The following MYCBP2 variants were observed in gnomAD, a reference collection of about 807,000 sequenced individuals.
MYCBP2 encodes the protein E3 ubiquitin-protein ligase MYCBP2.
A neutral mutation model predicts 525.3 loss-of-function variants in MYCBP2; 120 were observed. That is an observed-to-expected ratio of 0.23 (90% CI 0.20 to 0.27). The LOEUF is 0.27. MYCBP2 is among the 10% of genes least tolerant of loss of function. MYCBP2 has a pLI of 1.00. For synonymous variants in MYCBP2, 1,894 were observed against 1,955.8 expected, an observed-to-expected ratio of 0.97 and a Z score of 0.83; for missense variants, 4,149 against 5,657.1, an observed-to-expected ratio of 0.73 and a Z score of 8.55.
At chr13:77,175,962 AAATAAT>A (rs1182200925) in intron 36 of MYCBP2, among the ~76,000 whole-genome samples, 2 of 151,544 alleles carry the variant, frequency 1.3e-5, no homozygotes, top group Non-Finnish European at 2.9e-5. Context: ...ATCTAAAAAA[AAATAAT>A]AATAATAATT....
At position 77,326,420 on chromosome 13, in the gene MYCBP2, G is replaced by A. The variant is rs540808773; in HGVS notation, c.302+54C>T. 166 of 1,474,618 alleles carry A rather than the reference G, an allele frequency of 1.1e-4. 1 individual carries two copies. In the Admixed American group the frequency reaches 3.7e-3, roughly 33 times the overall value. The allele number at this position is 1,474,618 out of a possible 1,614,324, so 91.3% of individuals were successfully genotyped here. On this transcript the variant is annotated intron_variant, in intron 1 of 82. Transcript: ENST00000544440. The surrounding 1 kb of genome is among the most constrained non-coding windows in gnomAD (Gnocchi z 4.2). Reference sequence around the variant, plus strand: ...ACACACGCGGGTGCACGCGCGGCATGGGGCGCAAGGAAGGGCGGCATGGGG... The same window carrying A: ...ACACACGCGGGTGCACGCGCGGCATAGGGCGCAAGGAAGGGCGGCATGGGG...
intron 47 of MYCBP2, among the ~76,000 whole-genome samples, chr13:77,148,781 T>C (rs2056023559): frequency 6.6e-6 from 1 of 152,160 alleles, no homozygotes; most frequent in South Asian, 2.1e-4. Context: ...TTTCATTTTA[T>C]CCGCTTTGTT....
chr13:77,200,738 C>G (rs1342885293), intron 26 of MYCBP2, among the ~76,000 whole-genome samples: 1 of 152,148 alleles, frequency 6.6e-6, no homozygotes. Context: ...GGCCAATATT[C>G]AACATTCTTT....
At chr13:77,052,187 C>T (rs2154056561) in intron 80 of MYCBP2, among the ~76,000 whole-genome samples, 1 of 152,044 alleles carries the variant, frequency 6.6e-6, no homozygotes, top group African/African-American at 2.4e-5. Flanking sequence ...CTCTTCTCTT[C>T]TCCTCTTCCA....
rs771880861 is a variant in MYCBP2 at position 77,068,804 on chromosome 13, G to A, written c.11932C>T (p.Arg3978Cys). ...QVCAHIVQAIRMEATRVREEW... is the reference protein window; with the variant it reads ...QVCAHIVQAICMEATRVREEW... ...TCACGGACTCTGGTAGCTTCCATGC[G>A]AATAGCTTGGACAATATGAGCACAC... The change falls in exon 70 of 83, where the codon CGC (arginine) becomes TGC (cysteine). Residue 3978 changes from arginine to cysteine, a missense_variant. By Grantham distance (180) the Arg-to-Cys change is radical (BLOSUM62 -3). Coordinates refer to ENST00000544440, the MANE Select transcript of MYCBP2 (RefSeq NM_015057.5). 1.2e-6 allele frequency: 2 copies of A among 1,613,900 alleles called. No homozygotes were observed. The highest frequency in any genetic ancestry group is 1.1e-5 in the South Asian group (1 of 91,054).
At chr13:77,119,876 C>T (rs1185231639) in intron 55 of MYCBP2, among the ~76,000 whole-genome samples, 1 of 152,108 alleles carries the variant, frequency 6.6e-6, no homozygotes, top group Non-Finnish European at 1.5e-5. Flanking sequence ...AGGCATGAGC[C>T]ACTATGCCTG....
chr13:77,169,268 C>A (rs892990628), intron 39 of MYCBP2, among the ~76,000 whole-genome samples: 3 of 151,916 alleles, frequency 2.0e-5, no homozygotes, highest in African/African-American at 7.2e-5. Context: ...CAGTGGCGGG[C>A]GCCTGTAGTC....
intron 47 of MYCBP2, among the ~76,000 whole-genome samples, chr13:77,148,761 A>G (rs2056018647): frequency 6.6e-6 from 1 of 152,152 alleles, no homozygotes; most frequent in South Asian, 2.1e-4. Flanking sequence ...TTTAATCTCT[A>G]GAATAACAAT....
chr13:77,135,799 C>T (rs1170002788), intron 52 of MYCBP2, among the ~76,000 whole-genome samples: 2 of 152,016 alleles, frequency 1.3e-5, no homozygotes, highest in Admixed American at 1.3e-4. Flanking sequence ...GTCTTATGGA[C>T]CCCTTCCTCC....
rs535242061 is a variant in MYCBP2, at chr13:77,270,287, T to G, written c.1188+9A>C. 6.9e-6 allele frequency: 11 copies of G among 1,599,988 alleles called. No individual in the cohort carries two copies. In the East Asian group the frequency reaches 2.5e-4, roughly 36 times the overall value. On this transcript the variant is annotated intron_variant, in intron 6 of 82. Transcript: ENST00000544440. ...TGTATAATTAAGGAACTGTAAGGAA[T>G]CACATTACCCTAACTGTTCCACTGT... is the stretch of plus-strand genomic sequence containing the variant.
intron 33 of MYCBP2, among the ~76,000 whole-genome samples, chr13:77,181,267 T>A (rs1364528799): frequency 2.0e-5 from 3 of 152,166 alleles, no homozygotes; most frequent in African/African-American, 7.2e-5. Flanking sequence ...TACCTATTAT[T>A]TACAGTGCTT....
chr13:77,175,962 A>C (rs184933305), intron 36 of MYCBP2, among the ~76,000 whole-genome samples: 1 of 151,544 alleles, frequency 6.6e-6, no homozygotes, highest in African/African-American at 2.4e-5. Context: ...ATCTAAAAAA[A>C]AATAATAATA....
At chr13:77,232,353 A>C (rs922866535) in intron 18 of MYCBP2, among the ~76,000 whole-genome samples, 2 of 152,202 alleles carry the variant, frequency 1.3e-5, no homozygotes, top group Admixed American at 6.5e-5. Flanking sequence ...GTGCTAGCTA[A>C]GGAAGAACAC....
intron 21 of MYCBP2, among the ~76,000 whole-genome samples, chr13:77,216,804 G>C (rs911470370): frequency 1.3e-5 from 2 of 152,138 alleles, no homozygotes; most frequent in African/African-American, 2.4e-5. Context: ...TCCTAGATTG[G>C]AGGGGAAAGA....
intron 55 of MYCBP2, among the ~76,000 whole-genome samples, chr13:77,111,197 T>G (rs928085202): frequency 2.6e-5 from 4 of 152,170 alleles, no homozygotes; most frequent in Non-Finnish European, 4.4e-5. Context: ...AATAATTTTC[T>G]ATTTTCAACT....
intron 65 of MYCBP2, among the ~76,000 whole-genome samples, chr13:77,079,598 A>AAC (rs768101558): frequency 3.3e-5 from 5 of 152,218 alleles, no homozygotes; most frequent in Non-Finnish European, 5.9e-5. Flanking sequence ...CAGGTTGAGG[A>AAC]ACATGGAGGT....
chr13:77,132,683 G>T (rs936163260), intron 52 of MYCBP2, among the ~76,000 whole-genome samples: 2 of 152,056 alleles, frequency 1.3e-5, no homozygotes, highest in Non-Finnish European at 2.9e-5. Context: ...AATGTTAAAA[G>T]ATCTCATTTT....
rs1374225110 is a variant in MYCBP2, at chr13:77,225,520, G to A, written c.2772C>T (p.Ser924=). 10 of 1,613,584 alleles carry A rather than the reference G, an allele frequency of 6.2e-6. No homozygotes were observed. Among genetic ancestry groups the A allele is most frequent in the Non-Finnish European group, 8.5e-6 (10 of 1,179,640 alleles). The part of the protein sequence containing the change: ...GSGERGEKDA[S]KITTYPPGSV... ...AGCCTGGAGGGTATGTTGTGATTTT[G>A]CTTGCATCCTTTTCGCCTCTTTCTC... Residue 924 remains serine, a synonymous_variant, in exon 19 of 83, where the codon AGC becomes AGT. Coordinates refer to ENST00000544440, the MANE Select transcript of MYCBP2 (RefSeq NM_015057.5).
chr13:77,242,877 T>A (rs533138950), intron 17 of MYCBP2, among the ~76,000 whole-genome samples, 182 bp downstream of exon 17: 1 of 152,206 alleles, frequency 6.6e-6, no homozygotes. Flanking sequence ...CCTAAACGTA[T>A]GTTATTAGAA....
Sources: gnomAD v4.1 joint callset for allele counts (sites outside exome capture counted in the v4.1 genomes callset) on GRCh38, gnomAD v4.1.1 for gene constraint, Gnocchi (gnomAD v3.1) non-coding constraint, MANE v1.5 for transcripts, NCBI Gene and HGNC (gene_info 2026-07-23, HGNC 2026-07-21) for gene names.